COL13A1: variants seen among roughly 807,000 people sequenced by gnomAD.
The protein encoded by COL13A1 is collagen alpha-1(XIII) chain.
Under a neutral mutation model 130.9 loss-of-function variants are expected in COL13A1, and 89 were observed. That is an observed-to-expected ratio of 0.68 (90% CI 0.57 to 0.81). COL13A1 has a LOEUF of 0.81. Among genes scored for constraint, COL13A1 ranks in the 30% least tolerant of loss-of-function variants. The pLI is 0.00. For missense variants in COL13A1, 879 were observed against 934.6 expected (o/e 0.94, Z 0.78); for synonymous variants, 402 against 341.6 (o/e 1.18, Z -1.95).
chr10:69,830,543 A>T (rs1848569441), intron 2 of COL13A1, among the ~76,000 whole-genome samples: 1 of 152,242 alleles, frequency 6.6e-6, no homozygotes, highest in Non-Finnish European at 1.5e-5. Context: ...AAGACAACAC[A>T]ATACAATCTT....
chr10:69,904,643 A>G (rs2062551074), intron 15 of COL13A1, among the ~76,000 whole-genome samples: 2 of 152,168 alleles, frequency 1.3e-5, no homozygotes, highest in South Asian at 4.1e-4. Flanking sequence ...CCACACTGTC[A>G]ATTTAGCATG....
chr10:69,919,048 CT>C lies in COL13A1; in HGVS notation c.1000-9del. 6.2e-7 allele frequency: 1 copy of C among 1,614,008 alleles called. No individual in the cohort carries two copies. Among genetic ancestry groups the C allele is most frequent in the Non-Finnish European group, 8.5e-7 (1 of 1,179,860 alleles). ...TTTTCTGTCTCTCACATTTGTTTCTCTTTTTCCACACAGGGTGAGCCAGGGA... is the reference window on the plus strand; with the variant it reads ...TTTTCTGTCTCTCACATTTGTTTCTCTTTTCCACACAGGGTGAGCCAGGGA... On this transcript the variant is annotated splice_polypyrimidine_tract_variant and intron_variant, in intron 19 of 40. Coordinates refer to ENST00000645393, the MANE Select transcript of COL13A1 (RefSeq NM_001368882.1).
chr10:69,851,007 C>T (rs1011350794), intron 2 of COL13A1, among the ~76,000 whole-genome samples: 2 of 151,948 alleles, frequency 1.3e-5, no homozygotes, highest in Admixed American at 6.5e-5. Flanking sequence ...CTGGATGGCA[C>T]AGCACAGCAG....
chr10:69,958,804 C>A lies in COL13A1; in HGVS notation c.*103C>A. On this transcript the variant is annotated 3_prime_UTR_variant, in exon 41 of 41. Coordinates refer to ENST00000645393, the MANE Select transcript of COL13A1 (RefSeq NM_001368882.1). ...AATGCCAGAAGTATGATGCATCTTA[C>A]AGATTATTAAAAAAGAAAGAAAAAC... The A allele has an allele frequency of 6.8e-7, 1 of 1,466,456 alleles. No homozygotes were observed. Among genetic ancestry groups the A allele is most frequent in the Non-Finnish European group, 9.3e-7 (1 of 1,077,508 alleles). The allele number at this position is 1,466,456 out of a possible 1,614,324, so 90.8% of individuals were successfully genotyped here.
chr10:69,894,724 A>G, intron 12 of COL13A1, 23 bp downstream of exon 12: 1 of 1,613,732 alleles, frequency 6.2e-7, no homozygotes, highest in Non-Finnish European at 8.5e-7. Flanking sequence ...GAGGTTTCCT[A>G]GAGTCTCCAT....
At chr10:69,956,829 G>T (rs1040928424) in intron 39 of COL13A1, 175 bp from the exon 40 acceptor site, 1 of 604,546 alleles carries the variant, frequency 1.7e-6, no homozygotes, top group African/African-American at 1.8e-5. Context: ...AGCCGGATTT[G>T]TTTCCACCTC....
chr10:69,853,890 C>G (rs1174203465), intron 2 of COL13A1, among the ~76,000 whole-genome samples: 2 of 152,190 alleles, frequency 1.3e-5, no homozygotes, highest in Admixed American at 1.3e-4. Context: ...AAAATGGAAA[C>G]AGTTGAGAGT....
intron 2 of COL13A1, among the ~76,000 whole-genome samples, chr10:69,839,887 C>T (rs1374353711): frequency 5.3e-5 from 8 of 152,184 alleles, no homozygotes; most frequent in Admixed American, 5.2e-4. Flanking sequence ...CCTCAATGAG[C>T]CAGGAAGCCA....
intron 30 of COL13A1, chr10:69,931,020 G>A (rs1247407514): frequency 2.9e-6 from 1 of 350,856 alleles, no homozygotes; most frequent in Non-Finnish European, 5.8e-6. Flanking sequence ...TGGGTCTCAG[G>A]GGTTTCCATC....
intron 1 of COL13A1, among the ~76,000 whole-genome samples, chr10:69,821,422 T>C (rs1846046026): frequency 2.0e-5 from 3 of 152,226 alleles, no homozygotes; most frequent in Admixed American, 2.0e-4. Flanking sequence ...TCTCTGTGCT[T>C]CAAGTCCCTT....
chr10:69,902,711 G>A, intron 14 of COL13A1, 37 bp from the exon 15 acceptor site: 1 of 1,519,320 alleles, frequency 6.6e-7, no homozygotes, highest in East Asian at 2.5e-5. Flanking sequence ...GCAGCTCTGG[G>A]GGCCTTCCCT....
chr10:69,851,435 C>T (rs1854774814), intron 2 of COL13A1, among the ~76,000 whole-genome samples: 1 of 152,182 alleles, frequency 6.6e-6, no homozygotes, highest in Non-Finnish European at 1.5e-5. Flanking sequence ...TCCTTTCCTG[C>T]TTCATTTCAT....
chr10:69,836,087 T>C (rs578031995), intron 2 of COL13A1, among the ~76,000 whole-genome samples: 16 of 152,274 alleles, frequency 1.1e-4, no homozygotes, highest in African/African-American at 3.9e-4. Context: ...CCTGCCAACC[T>C]CTAGCTATCT....
intron 29 of COL13A1, 81 bp downstream of exon 29, chr10:69,930,168 A>G: frequency 6.8e-7 from 1 of 1,466,278 alleles, no homozygotes; most frequent in South Asian, 1.2e-5. Context: ...AAGGCTCTAG[A>G]ATTGGCCCTG....
intron 31 of COL13A1, among the ~76,000 whole-genome samples, chr10:69,934,821 TCA>T (rs1450727720): frequency 6.6e-6 from 1 of 152,200 alleles, no homozygotes; most frequent in East Asian, 1.9e-4. Context: ...CAGGAACAGC[TCA>T]GTCTCCCCAC....
At chr10:69,844,549 CATTGTAAGG>C (rs1266599185) in intron 2 of COL13A1, among the ~76,000 whole-genome samples, 12 of 152,248 alleles carry the variant, frequency 7.9e-5, no homozygotes, top group East Asian at 7.7e-4. Context: ...TTCCTTGGGC[CATTGTAAGG>C]ATTAAAAGAG....
intron 15 of COL13A1, among the ~76,000 whole-genome samples, chr10:69,903,471 C>G (rs1324690268): frequency 2.6e-5 from 4 of 152,130 alleles, no homozygotes; most frequent in African/African-American, 9.7e-5. Flanking sequence ...CAGCGGCCGC[C>G]AAGTCACCCA....
chr10:69,957,664 A>G (rs4096393), intron 40 of COL13A1, among the ~76,000 whole-genome samples: 44,819 of 152,132 alleles, frequency 0.29, 6,615 homozygotes, highest in African/African-American at 0.32. Context: ...GTGCCCTTGC[A>G]TGTGATCGCC....
rs771278874 is a variant in COL13A1, at chr10:69,802,489, G to C, written c.66G>C (p.Ala22=). The change falls in exon 1 of 41, where the codon GCG becomes GCC. Residue 22 remains alanine (A), a synonymous_variant. Coordinates refer to ENST00000645393, the MANE Select transcript of COL13A1 (RefSeq NM_001368882.1). ...CCCGCGGCCCTGGGGAGTTGGGCGC[G>C]CCCGGGACGGTGGCTCTGGTGGCGG... ...TGARGPGELG[A]PGTVALVAAR... 1.3e-6 allele frequency: 2 copies of C among 1,524,548 alleles called. No homozygotes were observed. The highest frequency in any genetic ancestry group is 1.4e-5 in the African/African-American group (1 of 69,796). The allele number at this position is 1,524,548 out of a possible 1,614,324, so 94.4% of individuals were successfully genotyped here. A position where few individuals can be genotyped will look rare whatever the true frequency, so the allele number is the denominator to read the frequency against.
Sources: gnomAD v4.1 joint callset for allele counts (sites outside exome capture counted in the v4.1 genomes callset) on GRCh38, gnomAD v4.1.1 for gene constraint, MANE v1.5 for transcripts, NCBI Gene and HGNC (gene_info 2026-07-23, HGNC 2026-07-21) for gene names.